The following GAS7 variants were observed in gnomAD, a reference collection of about 807,000 sequenced individuals.
GAS7 encodes the protein growth arrest specific 7.
In GAS7, 28 loss-of-function variants were observed where a neutral mutation model predicts 71.1. The observed-to-expected ratio is 0.39, with a 90% CI of 0.29 to 0.54. The LOEUF (loss-of-function observed/expected upper bound fraction) is 0.54, where lower values mean the gene tolerates loss of function less well. GAS7 is among the 20% of genes least tolerant of loss of function. The pLI is 0.62. For synonymous variants in GAS7, 258 were observed against 245.8 expected, an observed-to-expected ratio of 1.05 and a Z score of -0.46; for missense variants, 436 against 627.8, an observed-to-expected ratio of 0.69 and a Z score of 3.27.
intron 1 of GAS7, among the ~76,000 whole-genome samples, chr17:10,114,059 C>T (rs1485244003): frequency 6.6e-6 from 1 of 152,108 alleles, no homozygotes; most frequent in Non-Finnish European, 1.5e-5. Context: ...GGGCTACAGG[C>T]ATGCACCACC....
At chr17:10,128,914 C>T (rs2073974779) in intron 1 of GAS7, among the ~76,000 whole-genome samples, 1 of 152,182 alleles carries the variant, frequency 6.6e-6, no homozygotes, top group Admixed American at 6.5e-5. Flanking sequence ...TGAGTCACTG[C>T]ACCCGGCCTG....
At chr17:10,063,955 T>C (rs1484707746) in intron 1 of GAS7, among the ~76,000 whole-genome samples, 1 of 152,152 alleles carries the variant, frequency 6.6e-6, no homozygotes, top group African/African-American at 2.4e-5. Context: ...CCAAAGGCCA[T>C]TGCCAAAGAG....
At chr17:9,954,605 G>A (rs1272556228) in intron 5 of GAS7, among the ~76,000 whole-genome samples, 1 of 152,102 alleles carries the variant, frequency 6.6e-6, no homozygotes, top group African/African-American at 2.4e-5. Flanking sequence ...GCCCATCCAG[G>A]GACAATTTTT....
intron 8 of GAS7, among the ~76,000 whole-genome samples, chr17:9,938,470 C>CAAA (rs34813185): frequency 3.8e-4 from 25 of 65,168 alleles, no homozygotes; most frequent in African/African-American, 9.1e-4. Flanking sequence ...GACTCTGTCT[C>CAAA]AAAAAAAAAA....
chr17:9,978,796 G>C (rs1035407113), intron 3 of GAS7, among the ~76,000 whole-genome samples: 2 of 152,170 alleles, frequency 1.3e-5, no homozygotes, highest in African/African-American at 4.8e-5. Context: ...CTGACGTAGG[G>C]AGCTGCTGCT....
chr17:9,916,872 G>A lies in GAS7; in HGVS notation c.*356C>T, dbSNP rs2067598441. 2 of 449,918 alleles carry A rather than the reference G, an allele frequency of 4.4e-6. No homozygotes were observed. The highest frequency in any genetic ancestry group is 3.7e-5 in the Admixed American group (1 of 26,990). The allele number at this position is 449,918 out of a possible 1,614,324, so 27.9% of individuals were successfully genotyped here. ...AGCCCTGGAGACAAGGGAGCCAGCT[G>A]GAGGAAGAGCCTTGGGGCTTCCAGG... On this transcript the variant is annotated 3_prime_UTR_variant, in exon 14 of 14. Transcript: ENST00000432992.
At chr17:9,917,446 T>A (rs1166796526) in intron 13 of GAS7, 105 bp from the exon 14 acceptor site, 30 of 810,806 alleles carry the variant, frequency 3.7e-5, no homozygotes, top group Non-Finnish European at 6.2e-5. Context: ...GAGAGCAGCC[T>A]CTCTAGAGGG....
intron 2 of GAS7, among the ~76,000 whole-genome samples, chr17:10,017,963 T>G (rs1307932729): frequency 6.6e-6 from 1 of 152,212 alleles, no homozygotes; most frequent in Admixed American, 6.5e-5. Context: ...ACACTGTCTA[T>G]TGATATAAAA....
chr17:9,990,904 C>A (rs2070817933), intron 2 of GAS7, among the ~76,000 whole-genome samples: 1 of 152,180 alleles, frequency 6.6e-6, no homozygotes. Flanking sequence ...TGGCATCTTA[C>A]AGACAGATGT....
intron 2 of GAS7, among the ~76,000 whole-genome samples, chr17:10,001,948 C>T (rs565766380): frequency 2.6e-5 from 4 of 152,292 alleles, no homozygotes; most frequent in East Asian, 1.9e-4. Context: ...CTTCCTGCTG[C>T]TCATGCCACC....
intron 1 of GAS7, among the ~76,000 whole-genome samples, chr17:10,101,550 C>T (rs1440743487): frequency 6.6e-6 from 1 of 152,224 alleles, no homozygotes. Flanking sequence ...CCTAACACAT[C>T]TCTAGAACAG....
Position 9,913,618 on chromosome 17 carries a change from C to T in GAS7, c.*3610G>A, listed in dbSNP as rs182925045. On this transcript the variant is annotated 3_prime_UTR_variant, in exon 14 of 14. Transcript: ENST00000432992. ...TGACTAGCAGAGCACTGCCTCCCAC[C>T]GCAGAAATTCTCCTTGGCCAACAGG... The T allele has an allele frequency of 1.6e-3, 370 of 230,830 alleles. 4 individuals are homozygous for T. The highest frequency in any genetic ancestry group is 4.6e-4 in the Non-Finnish European group (54 of 116,494). The allele number at this position is 230,830 out of a possible 1,614,324, so 14.3% of individuals were successfully genotyped here.
intron 1 of GAS7, among the ~76,000 whole-genome samples, chr17:10,025,459 T>C (rs531971949): frequency 6.6e-6 from 1 of 151,420 alleles, no homozygotes; most frequent in African/African-American, 2.4e-5. Context: ...TGTGCAAAAA[T>C]ATCACCGCCC....
At chr17:10,112,969 C>T (rs1483058212) in intron 1 of GAS7, among the ~76,000 whole-genome samples, 1 of 152,064 alleles carries the variant, frequency 6.6e-6, no homozygotes, top group African/African-American at 2.4e-5. Context: ...AACCGACTGG[C>T]CTGCAGAGAG....
chr17:10,095,404 G>C (rs1013445702), intron 1 of GAS7, among the ~76,000 whole-genome samples: 4 of 152,076 alleles, frequency 2.6e-5, no homozygotes, highest in African/African-American at 7.2e-5. Context: ...CGAACTCCTG[G>C]GCTCAAGTGA....
chr17:10,017,304 C>G (rs933448428), intron 2 of GAS7, among the ~76,000 whole-genome samples: 1 of 151,474 alleles, frequency 6.6e-6, no homozygotes, highest in African/African-American at 2.4e-5. Flanking sequence ...GTGAACTTGC[C>G]AACGAAAATC....
chr17:10,118,986 C>T (rs2142074619), intron 1 of GAS7, among the ~76,000 whole-genome samples: 1 of 152,236 alleles, frequency 6.6e-6, no homozygotes, highest in Non-Finnish European at 1.5e-5. Context: ...CACTTTCAGC[C>T]ATTCATTCAT....
At chr17:10,185,898 GT>G (rs1486089337) in intron 1 of GAS7, among the ~76,000 whole-genome samples, 1 of 150,998 alleles carries the variant, frequency 6.6e-6, no homozygotes, top group Non-Finnish European at 1.5e-5. Context: ...AGAGAGTTTG[GT>G]TTTTTCTTTC....
chr17:10,143,999 G>A (rs2074103200), intron 1 of GAS7, among the ~76,000 whole-genome samples: 2 of 152,222 alleles, frequency 1.3e-5, no homozygotes, highest in African/African-American at 2.4e-5. Flanking sequence ...CCTCAAAGCT[G>A]TTGGCAGGAA....
Sources: gnomAD v4.1 joint callset for allele counts (sites outside exome capture counted in the v4.1 genomes callset) on GRCh38, gnomAD v4.1.1 for gene constraint, MANE v1.5 for transcripts, NCBI Gene and HGNC (gene_info 2026-07-23, HGNC 2026-07-21) for gene names.